SYT16: variants seen among roughly 807,000 people sequenced by gnomAD.
SYT16 encodes the protein synaptotagmin 16, also known as synaptotagmin-16.
A neutral mutation model predicts 61.4 loss-of-function variants in SYT16; 42 were observed. The ratio of observed to expected loss-of-function variants is 0.68; its 90% CI spans 0.53 to 0.89. The LOEUF (loss-of-function observed/expected upper bound fraction) is 0.89, where lower values mean the gene tolerates loss of function less well. Among genes scored for constraint, SYT16 ranks in the 40% least tolerant of loss-of-function variants. SYT16 has a pLI of 0.00. For synonymous variants in SYT16, 314 were observed against 302.3 expected (o/e 1.04, Z -0.40); for missense variants, 804 against 807.3 (o/e 1.00, Z 0.05).
At chr14:61,872,984 T>C (rs1044409230) in intron 1 of SYT16, among the ~76,000 whole-genome samples, 3 of 152,246 alleles carry the variant, frequency 2.0e-5, no homozygotes, top group Non-Finnish European at 4.4e-5. Context: ...ATTAAAACGT[T>C]GTATTCATAG....
At chr14:61,861,007 G>C (rs539586786) in intron 1 of SYT16, among the ~76,000 whole-genome samples, 1 of 152,294 alleles carries the variant, frequency 6.6e-6, no homozygotes, top group East Asian at 1.9e-4. Context: ...TGGTAGGATG[G>C]ATGGAATCTA....
At chr14:61,923,220 C>T (rs1374584706) in intron 1 of SYT16, among the ~76,000 whole-genome samples, 1 of 152,168 alleles carries the variant, frequency 6.6e-6, no homozygotes, top group African/African-American at 2.4e-5. Context: ...GCACCAAACT[C>T]ATTCATAAGA....
At chr14:62,024,677 G>C (rs1223450970) in intron 3 of SYT16, among the ~76,000 whole-genome samples, 2 of 151,934 alleles carry the variant, frequency 1.3e-5, no homozygotes, top group Non-Finnish European at 2.9e-5. Context: ...TGCACTCTTG[G>C]TGTTGTATGT....
chr14:61,933,009 G>C (rs747490178), intron 1 of SYT16, among the ~76,000 whole-genome samples: 9 of 152,234 alleles, frequency 5.9e-5, no homozygotes, highest in South Asian at 4.1e-4. Flanking sequence ...AAGATATCAG[G>C]TGTATTGTTA....
At chr14:61,918,241 T>A (rs537603434) in intron 1 of SYT16, among the ~76,000 whole-genome samples, 1 of 152,300 alleles carries the variant, frequency 6.6e-6, no homozygotes, top group African/African-American at 2.4e-5. Context: ...ACAACTTTTG[T>A]CTCATTATCC....
chr14:61,901,762 A>AATAATAATAATTATTATT (rs1010775490), intron 1 of SYT16, among the ~76,000 whole-genome samples: 1 of 138,850 alleles, frequency 7.2e-6, no homozygotes, highest in African/African-American at 2.9e-5. Context: ...TAATAATAAT[A>AATAATAATAATTATTATT]ATTATTATTA....
In SYT16 at chr14:61,959,381, G is replaced by A. The variant is rs2051019491; in HGVS notation, c.-324-10751G>A. ...TCTTTGTGTTTTGATTTTTTTTATA[G>A]TGGTATGCTTTGATTAATTTTTTTA... On this transcript the variant is annotated intron_variant, in intron 1 of 7. Coordinates refer to ENST00000683842, the MANE Select transcript of SYT16 (RefSeq NM_001367656.1). 2.6e-5 allele frequency among the ~76,000 whole-genome samples: 4 copies of A among 151,548 alleles called. No homozygotes were observed. In the South Asian group the frequency reaches 6.2e-4, roughly 24 times the overall value.
At chr14:61,837,791 G>A (rs1176825053) in intron 1 of SYT16, among the ~76,000 whole-genome samples, 1 of 152,176 alleles carries the variant, frequency 6.6e-6, no homozygotes, top group Admixed American at 6.5e-5. Context: ...CTGCCACCTT[G>A]TGGCCATGTT....
In SYT16 at chr14:62,018,314, T is replaced by C. The variant is rs1238007581; in HGVS notation, c.523+21772T>C. Among the ~76,000 whole-genome samples the C allele has an allele frequency of 2.9e-5, 4 of 136,740 alleles. No homozygotes were observed. In the East Asian group the frequency reaches 8.2e-4, roughly 28 times the overall value. 89.7% of individuals were successfully genotyped at this position (136,740 alleles called of 152,430 possible). A position where few individuals can be genotyped will look rare whatever the true frequency, so the allele number is the denominator to read the frequency against. On this transcript the variant is annotated intron_variant, in intron 3 of 7. Coordinates refer to ENST00000683842, the MANE Select transcript of SYT16 (RefSeq NM_001367656.1). ...CTTCTTCTTCTTTTTTTTTTTTTTT[T>C]TTTTTTTTTTTTGAGACTGTCTCGC... is the stretch of plus-strand genomic sequence containing the variant.
chr14:61,932,432 A>G (rs984368043), intron 1 of SYT16, among the ~76,000 whole-genome samples: 5 of 152,208 alleles, frequency 3.3e-5, no homozygotes, highest in Non-Finnish European at 5.9e-5. Flanking sequence ...GAAACTTACA[A>G]TCGTGGTGGA....
chr14:61,983,016 CTTAAA>C (rs2052151923), intron 2 of SYT16, among the ~76,000 whole-genome samples: 1 of 152,030 alleles, frequency 6.6e-6, no homozygotes, highest in Admixed American at 6.6e-5. Context: ...AGATATATGC[CTTAAA>C]TTAAAATCAG....
At chr14:62,016,267 A>G (rs569145671) in intron 3 of SYT16, among the ~76,000 whole-genome samples, 11 of 152,230 alleles carry the variant, frequency 7.2e-5, no homozygotes, top group Non-Finnish European at 1.3e-4. Context: ...CTGTTAAAAG[A>G]TTTTGTAGCA....
At chr14:62,089,148 T>G (rs1377157767) in intron 7 of SYT16, among the ~76,000 whole-genome samples, 1 of 152,026 alleles carries the variant, frequency 6.6e-6, no homozygotes, top group African/African-American at 2.4e-5. Flanking sequence ...TGAAACCCCA[T>G]GCCTACTAAA....
intron 3 of SYT16, among the ~76,000 whole-genome samples, chr14:62,002,560 A>G (rs1031844617): frequency 1.3e-5 from 2 of 152,064 alleles, no homozygotes; most frequent in Admixed American, 1.3e-4. Flanking sequence ...GGTCTTAGGC[A>G]ATTGCTGTGT....
At chr14:61,938,428 G>A (rs1006109014) in intron 1 of SYT16, among the ~76,000 whole-genome samples, 1 of 152,050 alleles carries the variant, frequency 6.6e-6, no homozygotes, top group East Asian at 1.9e-4. Flanking sequence ...TTCAGGGTTG[G>A]CTGGGTGGGA....
intron 6 of SYT16, among the ~76,000 whole-genome samples, chr14:62,083,538 A>G (rs1009757805): frequency 2.6e-5 from 4 of 152,188 alleles, no homozygotes; most frequent in Non-Finnish European, 5.9e-5. Flanking sequence ...TCCTGGGCTC[A>G]CTTGGTGCCT....
chr14:61,871,747 T>A (rs2047339520), intron 1 of SYT16, among the ~76,000 whole-genome samples: 1 of 152,172 alleles, frequency 6.6e-6, no homozygotes, highest in South Asian at 2.1e-4. Context: ...TTACAATAAT[T>A]ATAAAAACAA....
chr14:61,954,179 T>G (rs2050779100), intron 1 of SYT16, among the ~76,000 whole-genome samples: 1 of 152,188 alleles, frequency 6.6e-6, no homozygotes, highest in South Asian at 2.1e-4. Flanking sequence ...ACCTTTACTT[T>G]CTAATTGTTC....
chr14:62,016,539 C>CAAAAAAAAAA (rs10610233), intron 3 of SYT16, among the ~76,000 whole-genome samples: 5 of 97,264 alleles, frequency 5.1e-5, no homozygotes, highest in African/African-American at 7.5e-5. Context: ...TCTAAAAATA[C>CAAAAAAAAAA]AAAAAAAAAA....
Sources: allele counts gnomAD v4.1 joint callset (sites outside exome capture counted in the v4.1 genomes callset), GRCh38; gene constraint gnomAD v4.1.1; transcripts MANE v1.5; gene names NCBI Gene and HGNC (gene_info 2026-07-23, HGNC 2026-07-21).